SNX29: variants seen among roughly 807,000 people sequenced by gnomAD.
SNX29 encodes sorting nexin-29.
In SNX29, 78 loss-of-function variants were observed where a neutral mutation model predicts 102.1. The ratio of observed to expected loss-of-function variants is 0.76; its 90% confidence interval spans 0.64 to 0.92. The LOEUF is 0.92. SNX29 is among the 40% of genes least tolerant of loss of function. SNX29 has a pLI of 0.00. For missense variants in SNX29, 1,280 were observed against 1,061.7 expected (o/e 1.21, Z -2.86); for synonymous variants, 580 against 414.5 (o/e 1.40, Z -4.85).
rs150167082 is a variant in SNX29, at chr16:12,516,380, T to C, written c.2179-8322T>C. Among the ~76,000 whole-genome samples the C allele has an allele frequency of 2.1e-3, 322 of 150,572 alleles. 1 individual carries two copies. Among genetic ancestry groups the C allele is most frequent in the African/African-American group, 7.6e-3 (311 of 40,876 alleles). ...CTGTAGTCCCAGCTACACTGGAGGCTGAGGCAGGAGGATTGCTTGAGCCTG... is the reference window on the plus strand; with the variant it reads ...CTGTAGTCCCAGCTACACTGGAGGCCGAGGCAGGAGGATTGCTTGAGCCTG... On this transcript the variant is annotated intron_variant, in intron 19 of 20. Transcript: ENST00000566228.
At chr16:12,338,988 C>T (rs1012575354) in intron 15 of SNX29, among the ~76,000 whole-genome samples, 2 of 133,670 alleles carry the variant, frequency 1.5e-5, no homozygotes, top group African/African-American at 4.9e-5. Context: ...ACTTGTTCCA[C>T]CTGTGGCCGT....
chr16:12,463,254 A>G (rs2086892737), intron 18 of SNX29, among the ~76,000 whole-genome samples: 2 of 152,158 alleles, frequency 1.3e-5, no homozygotes, highest in South Asian at 4.2e-4. Context: ...ACACAACACA[A>G]CTGAGGTGAG....
chr16:12,183,215 G>A (rs555270886), intron 13 of SNX29, among the ~76,000 whole-genome samples: 1 of 152,230 alleles, frequency 6.6e-6, no homozygotes, highest in East Asian at 1.9e-4. Flanking sequence ...TGCTCAGGCT[G>A]GTCTTGAACT....
chr16:12,439,548 C>T (rs930297925), intron 18 of SNX29, among the ~76,000 whole-genome samples: 10 of 152,134 alleles, frequency 6.6e-5, no homozygotes, highest in Non-Finnish European at 8.8e-5. Flanking sequence ...GAGAGCCAAG[C>T]GAAAGGGGTT....
At chr16:12,479,677 C>G (rs910393323) in intron 19 of SNX29, among the ~76,000 whole-genome samples, 23 of 152,168 alleles carry the variant, frequency 1.5e-4, no homozygotes, top group African/African-American at 5.3e-4. Context: ...TAGGCTCATA[C>G]AAATCTTGGG....
At chr16:12,537,542 A>C (rs1031918838) in intron 20 of SNX29, among the ~76,000 whole-genome samples, 1 of 152,206 alleles carries the variant, frequency 6.6e-6, no homozygotes, top group South Asian at 2.1e-4. Context: ...ATTACCTACT[A>C]TGGAGCTTCT....
chr16:12,497,064 C>T (rs776127296), intron 19 of SNX29, among the ~76,000 whole-genome samples: 5 of 152,106 alleles, frequency 3.3e-5, no homozygotes, highest in Non-Finnish European at 7.4e-5. Context: ...GGATCCGGGG[C>T]CCTGGACTTT....
chr16:12,379,536 G>A (rs2151418719), intron 16 of SNX29, among the ~76,000 whole-genome samples: 1 of 152,342 alleles, frequency 6.6e-6, no homozygotes, highest in South Asian at 2.1e-4. Context: ...GTGCCCTTTA[G>A]CCACTTTGAC....
At position 12,519,594 on chromosome 16, in the gene SNX29, C is replaced by T. The variant is rs147449254; in HGVS notation, c.2179-5108C>T. Among the ~76,000 whole-genome samples the T allele has an allele frequency of 4.3e-3, 653 of 152,146 alleles. 1 individual carries two copies. The highest frequency in any genetic ancestry group is 7.6e-3 in the Non-Finnish European group (517 of 68,028). ...TATAATTTACCTTAAAACACCTTAG[C>T]GAAAAGGTAAAAATGATGACACAAA... On this transcript the variant is annotated intron_variant, in intron 19 of 20. Transcript: ENST00000566228.
At chr16:12,393,549 C>G (rs1444049862) in intron 16 of SNX29, among the ~76,000 whole-genome samples, 1 of 151,872 alleles carries the variant, frequency 6.6e-6, no homozygotes, top group Non-Finnish European at 1.5e-5. Flanking sequence ...AAGGAGGGTT[C>G]CAATCCACAG....
chr16:12,459,723 T>C (rs1255874621), intron 18 of SNX29, among the ~76,000 whole-genome samples: 1 of 152,184 alleles, frequency 6.6e-6, no homozygotes, highest in African/African-American at 2.4e-5. Context: ...CAGCATGGCC[T>C]CGCAGCTAAC....
At chr16:12,566,543 G>C (rs146038133) in intron 20 of SNX29, among the ~76,000 whole-genome samples, 4 of 152,318 alleles carry the variant, frequency 2.6e-5, no homozygotes, top group East Asian at 3.9e-4. Context: ...ATGACAGGAG[G>C]GGGTTGTGAG....
intron 16 of SNX29, among the ~76,000 whole-genome samples, chr16:12,363,795 A>G (rs2082373462): frequency 6.6e-6 from 1 of 152,196 alleles, no homozygotes; most frequent in African/African-American, 2.4e-5. Context: ...ACTTGGGACC[A>G]CAAGTGTTTC....
chr16:12,187,439 T>A (rs1182328659), intron 13 of SNX29, among the ~76,000 whole-genome samples: 1 of 151,946 alleles, frequency 6.6e-6, no homozygotes, highest in Non-Finnish European at 1.5e-5. Context: ...TCCCAGCTAC[T>A]TGGGAGGCTG....
At chr16:12,314,110 T>G (rs907165643) in intron 15 of SNX29, among the ~76,000 whole-genome samples, 4 of 152,354 alleles carry the variant, frequency 2.6e-5, no homozygotes, top group Non-Finnish European at 5.9e-5. Flanking sequence ...CTCAGCCTCC[T>G]GAGTAGCTGG....
intron 20 of SNX29, among the ~76,000 whole-genome samples, chr16:12,553,981 C>A (rs75645209): frequency 4.6e-5 from 7 of 152,254 alleles, no homozygotes; most frequent in African/African-American, 1.7e-4. Flanking sequence ...GCATCCACCA[C>A]ATTTGGCTAA....
intron 18 of SNX29, among the ~76,000 whole-genome samples, chr16:12,437,462 A>G (rs2085588801): frequency 6.6e-6 from 1 of 152,216 alleles, no homozygotes; most frequent in South Asian, 2.1e-4. Flanking sequence ...TGTGCCAGGC[A>G]TGGGAGATGG....
intron 9 of SNX29, among the ~76,000 whole-genome samples, chr16:12,068,558 A>G (rs564056348): frequency 2.0e-5 from 3 of 151,708 alleles, no homozygotes; most frequent in African/African-American, 7.3e-5. Context: ...TTAAAAAAAA[A>G]TTTTTAATGG....
intron 13 of SNX29, among the ~76,000 whole-genome samples, chr16:12,192,207 C>T (rs1373080401): frequency 6.6e-6 from 1 of 152,190 alleles, no homozygotes; most frequent in Non-Finnish European, 1.5e-5. Flanking sequence ...GTACTTGCCA[C>T]CTACTCAATG....
Sources: gnomAD v4.1 joint callset for allele counts (sites outside exome capture counted in the v4.1 genomes callset) on GRCh38, gnomAD v4.1.1 for gene constraint, MANE v1.5 for transcripts, NCBI Gene and HGNC (gene_info 2026-07-23, HGNC 2026-07-21) for gene names.